Variants in ZSCAN30 observed in about 807,000 individuals in gnomAD.
The protein encoded by ZSCAN30 is zinc finger and SCAN domain-containing protein 30.
In ZSCAN30, 37 loss-of-function variants were observed where a neutral mutation model predicts 44.3. The observed-to-expected ratio is 0.84, with a 90% confidence interval of 0.64 to 1.10. The LOEUF is 1.10. Ranked by LOEUF, ZSCAN30 falls within the 50% of genes least tolerant of loss-of-function variation. The pLI is 0.00. For missense variants in ZSCAN30, 549 were observed against 582.6 expected (o/e 0.94, Z 0.59); for synonymous variants, 181 against 204.6 (o/e 0.88, Z 0.98).
At chr18:35,273,028 G>A (rs1348599174) in intron 1 of ZSCAN30, among the ~76,000 whole-genome samples, 1 of 152,186 alleles carries the variant, frequency 6.6e-6, no homozygotes, top group African/African-American at 2.4e-5. Flanking sequence ...TGGGAATTAT[G>A]GGAGTACAAT....
intron 1 of ZSCAN30, among the ~76,000 whole-genome samples, chr18:35,276,778 G>A (rs1427838082): frequency 6.6e-6 from 1 of 152,216 alleles, no homozygotes; most frequent in African/African-American, 2.4e-5. Context: ...TGTGGGGATG[G>A]AGTCCCCACA....
At chr18:35,289,162 G>A (rs943986331) in intron 1 of ZSCAN30, among the ~76,000 whole-genome samples, 18 of 152,068 alleles carry the variant, frequency 1.2e-4, no homozygotes, top group African/African-American at 4.3e-4. Context: ...TTGTAGTAGA[G>A]ACAGGGTTTC....
intron 3 of ZSCAN30, chr18:35,258,269 G>A (rs1353601357): frequency 1.3e-5 from 5 of 394,782 alleles, no homozygotes; most frequent in African/African-American, 2.0e-5. Context: ...AATGGAGAAC[G>A]AGTAAATTTT....
chr18:35,281,684 T>C (rs2044458871), intron 1 of ZSCAN30: 1 of 152,212 alleles, frequency 6.6e-6, no homozygotes, highest in Admixed American at 6.5e-5. Context: ...CTATAAATAT[T>C]GACTATGCTA....
chr18:35,259,877 T>G (rs916978080), intron 3 of ZSCAN30, among the ~76,000 whole-genome samples: 1 of 152,262 alleles, frequency 6.6e-6, no homozygotes, highest in Non-Finnish European at 1.5e-5. Flanking sequence ...AAAGTTTAAT[T>G]TAAGTTCCAG....
At chr18:35,256,603 C>T (rs2043828179) in intron 3 of ZSCAN30, among the ~76,000 whole-genome samples, 1 of 151,888 alleles carries the variant, frequency 6.6e-6, no homozygotes, top group Admixed American at 6.6e-5. Flanking sequence ...TTCAGAAATA[C>T]TTGCATAGAG....
chr18:35,275,436 CT>C (rs1427578893), intron 1 of ZSCAN30, among the ~76,000 whole-genome samples: 1 of 152,222 alleles, frequency 6.6e-6, no homozygotes, highest in African/African-American at 2.4e-5. Context: ...CTCCTCACCC[CT>C]CATTCTTAAA....
intron 3 of ZSCAN30, chr18:35,261,048 C>G (rs1388162031): frequency 6.6e-6 from 1 of 152,104 alleles, no homozygotes; most frequent in African/African-American, 2.4e-5. Context: ...AAGGAGGGAT[C>G]CAGTTTCAGT....
At chr18:35,262,528 T>C (rs1289852030) in intron 3 of ZSCAN30, 1 of 152,258 alleles carries the variant, frequency 6.6e-6, no homozygotes, top group Non-Finnish European at 1.5e-5. Context: ...GCAGAGGAAC[T>C]GGAAGAAAGG....
Position 35,253,987 on chromosome 18 carries a change from C to A in ZSCAN30, c.948G>T (p.Leu316=). ...CAGTATGAATTCTCTGATGTCTAAT[C>A]AGCTTTGAGCTCTGGCAAAAGGCCT... ...CGKAFCQSSK[L]IRHQRIHTGE... is the part of the protein sequence containing the mutation. The change falls in exon 4 of 4, where the codon CTG becomes CTT. Residue 316 remains leucine, a synonymous_variant. Transcript: ENST00000333206. 1 of 1,614,142 alleles carries A rather than the reference C, an allele frequency of 6.2e-7. No individual in the cohort carries two copies. Among genetic ancestry groups the A allele is most frequent in the African/African-American group, 1.3e-5 (1 of 75,038 alleles).
At chr18:35,287,484 C>T (rs2044571770) in intron 1 of ZSCAN30, among the ~76,000 whole-genome samples, 1 of 150,864 alleles carries the variant, frequency 6.6e-6, no homozygotes, top group South Asian at 2.1e-4. Context: ...CAGAAATAGA[C>T]CCACACATAT....
At chr18:35,257,812 T>C (rs2043889972) in intron 3 of ZSCAN30, 1 of 769,746 alleles carries the variant, frequency 1.3e-6, no homozygotes, top group Non-Finnish European at 2.4e-6. Context: ...AGTGCAATTA[T>C]GCTTCAGCGG....
chr18:35,274,017 C>A (rs1472918167), intron 1 of ZSCAN30, among the ~76,000 whole-genome samples: 2 of 152,076 alleles, frequency 1.3e-5, no homozygotes, highest in Non-Finnish European at 2.9e-5. Flanking sequence ...TTTGAAGGTA[C>A]TCCTCTTCTT....
At chr18:35,262,060 A>G (rs1471463010) in intron 3 of ZSCAN30, 1 of 152,182 alleles carries the variant, frequency 6.6e-6, no homozygotes, top group Admixed American at 6.5e-5. Flanking sequence ...CTTTGGGCTT[A>G]GGTCCTCATA....
At chr18:35,265,583 A>C (rs182620382) in intron 1 of ZSCAN30, among the ~76,000 whole-genome samples, 1 of 152,312 alleles carries the variant, frequency 6.6e-6, no homozygotes, top group African/African-American at 2.4e-5. Flanking sequence ...GATGGTGAAA[A>C]TGTTAGGAAG....
At chr18:35,254,653 G>A (rs2043730700) in intron 3 of ZSCAN30, 2 of 526,076 alleles carry the variant, frequency 3.8e-6, no homozygotes, top group Non-Finnish European at 6.6e-6. Context: ...GTGACAAACA[G>A]GAATATTGGC....
Position 35,254,397 on chromosome 18 carries a change from G to C in ZSCAN30, c.554-16C>G, listed in dbSNP as rs146178568. ...ATCCTGCCATCTAAAAATGTGAATA[G>C]AAAGTGTAAGTATCATTTACTTCCC... On this transcript the variant is annotated splice_polypyrimidine_tract_variant and intron_variant, in intron 3 of 3. Transcript: ENST00000333206. 136 of 1,613,778 alleles carry C rather than the reference G, an allele frequency of 8.4e-5. No homozygotes were observed. The highest frequency in any genetic ancestry group is 9.8e-5 in the Non-Finnish European group (116 of 1,179,950).
rs2043941798 is a variant in ZSCAN30, at chr18:35,258,954, G to A, written c.553+4559C>T. ...TCAAGTATAGATTGTGTTTTATGAG[G>A]ACTCTGTAAACTAAAGAAAGTGGAT... On this transcript the variant is annotated intron_variant, in intron 3 of 3. Coordinates refer to ENST00000333206, the MANE Select transcript of ZSCAN30 (RefSeq NM_001112734.4). 2.0e-5 allele frequency: 3 copies of A among 150,254 alleles called. 1 individual carries two copies. The highest frequency in any genetic ancestry group is 4.3e-4 in the South Asian group (2 of 4,672). 9.3% of individuals were successfully genotyped at this position (150,254 alleles called of 1,614,324 possible). A position where few individuals can be genotyped will look rare whatever the true frequency, so the allele number is the denominator to read the frequency against.
chr18:35,256,864 C>A (rs2051984222), intron 3 of ZSCAN30, among the ~76,000 whole-genome samples: 2 of 152,176 alleles, frequency 1.3e-5, no homozygotes, highest in African/African-American at 4.8e-5. Context: ...GCCTTGAAAT[C>A]CTGGACTCAA....
Sources: gnomAD v4.1 joint callset for allele counts (sites outside exome capture counted in the v4.1 genomes callset) on GRCh38, gnomAD v4.1.1 for gene constraint, MANE v1.5 for transcripts, NCBI Gene and HGNC (gene_info 2026-07-23, HGNC 2026-07-21) for gene names.